NEGR1: variants seen among roughly 807,000 people sequenced by gnomAD.
NEGR1 encodes the protein neuronal growth regulator 1, also known as IgLON family member 4.
A neutral mutation model predicts 40.9 loss-of-function variants in NEGR1; 10 were observed. The ratio of observed to expected loss-of-function variants is 0.24; its 90% CI spans 0.15 to 0.42. NEGR1 has a LOEUF of 0.42. NEGR1 is among the 10% of genes least tolerant of loss of function. The pLI is 1.00. For missense variants in NEGR1, 352 were observed against 438.9 expected (o/e 0.80, Z 1.77); for synonymous variants, 185 against 166.8 (o/e 1.11, Z -0.84).
intron 2 of NEGR1, among the ~76,000 whole-genome samples, chr1:71,894,239 GAAA>G (rs201115661): frequency 1.6e-5 from 2 of 128,158 alleles, no homozygotes; most frequent in Non-Finnish European, 3.4e-5. Context: ...AATAAAAAAA[GAAA>G]AAAAAAAAAA....
chr1:72,158,226 T>C (rs1169770440), intron 1 of NEGR1, among the ~76,000 whole-genome samples: 1 of 152,170 alleles, frequency 6.6e-6, no homozygotes, highest in Non-Finnish European at 1.5e-5. Context: ...AATGTAGGCT[T>C]TGGGTCAAAA....
intron 4 of NEGR1, among the ~76,000 whole-genome samples, chr1:71,672,455 G>C (rs937204822): frequency 6.6e-6 from 1 of 152,056 alleles, no homozygotes; most frequent in Non-Finnish European, 1.5e-5. Context: ...AGTCAATCTT[G>C]TTCACCATTG....
intron 2 of NEGR1, among the ~76,000 whole-genome samples, chr1:71,836,536 T>TG (rs1659039010): frequency 1.3e-5 from 2 of 151,248 alleles, no homozygotes; most frequent in Non-Finnish European, 2.9e-5. Flanking sequence ...AGGTACAGCT[T>TG]GGGGAAACAA....
chr1:72,196,481 A>C (rs1487503940), intron 1 of NEGR1, among the ~76,000 whole-genome samples: 2 of 152,110 alleles, frequency 1.3e-5, no homozygotes, highest in East Asian at 1.9e-4. Flanking sequence ...TTAGAAAAAT[A>C]ATCGCTGGCT....
chr1:72,156,238 G>A (rs1013801296), intron 1 of NEGR1, among the ~76,000 whole-genome samples: 1 of 152,048 alleles, frequency 6.6e-6, no homozygotes, highest in Middle Eastern at 3.2e-3. Flanking sequence ...GTACTATTAT[G>A]AATAATCCTT....
At chr1:71,816,821 A>G (rs1455295554) in intron 2 of NEGR1, among the ~76,000 whole-genome samples, 2 of 151,960 alleles carry the variant, frequency 1.3e-5, no homozygotes, top group African/African-American at 4.8e-5. Flanking sequence ...TCCTGGTTCT[A>G]TCAAAGGGCA....
At chr1:71,644,809 CTTGTG>C (rs758391894) in intron 4 of NEGR1, among the ~76,000 whole-genome samples, 3 of 152,020 alleles carry the variant, frequency 2.0e-5, no homozygotes, top group Non-Finnish European at 2.9e-5. Context: ...CCAGAAGCCT[CTTGTG>C]TTATTTCCAG....
chr1:71,718,478 CT>C (rs1392968686), intron 3 of NEGR1, among the ~76,000 whole-genome samples: 1 of 152,118 alleles, frequency 6.6e-6, no homozygotes, highest in Non-Finnish European at 1.5e-5. Flanking sequence ...AATTAAACCT[CT>C]TTTCTTTATA....
At chr1:71,714,385 C>G (rs1474735362) in intron 3 of NEGR1, among the ~76,000 whole-genome samples, 3 of 152,138 alleles carry the variant, frequency 2.0e-5, no homozygotes, top group Admixed American at 6.5e-5. Flanking sequence ...AATCTCATGT[C>G]CTCACATTTC....
At chr1:71,715,682 C>T (rs1654249014) in intron 3 of NEGR1, among the ~76,000 whole-genome samples, 2 of 152,166 alleles carry the variant, frequency 1.3e-5, no homozygotes, top group South Asian at 2.1e-4. Context: ...TCACCAGTCT[C>T]TCAGCTAAAG....
chr1:72,149,138 T>C (rs948152449), intron 1 of NEGR1, among the ~76,000 whole-genome samples: 1 of 152,134 alleles, frequency 6.6e-6, no homozygotes, highest in Non-Finnish European at 1.5e-5. Context: ...CTCAGAATCA[T>C]GGCAGGATGC....
At chr1:71,798,607 G>C (rs569727666) in intron 2 of NEGR1, among the ~76,000 whole-genome samples, 3 of 152,124 alleles carry the variant, frequency 2.0e-5, no homozygotes, top group Non-Finnish European at 4.4e-5. Flanking sequence ...GGCGACTAAG[G>C]CTAATTCATT....
At chr1:71,995,540 G>T (rs1246553651) in intron 1 of NEGR1, among the ~76,000 whole-genome samples, 2 of 152,190 alleles carry the variant, frequency 1.3e-5, no homozygotes, top group Non-Finnish European at 2.9e-5. Flanking sequence ...TTCAATGTTT[G>T]TCCATATTCA....
chr1:72,016,513 A>G (rs544130580), intron 1 of NEGR1, among the ~76,000 whole-genome samples: 1 of 152,314 alleles, frequency 6.6e-6, no homozygotes, highest in African/African-American at 2.4e-5. Context: ...TAAAGATGGG[A>G]AATAGACTGG....
chr1:72,088,308 T>C (rs12091740), intron 1 of NEGR1, among the ~76,000 whole-genome samples: 62,438 of 151,814 alleles, frequency 0.41, 13,579 homozygotes, highest in Non-Finnish European at 0.49. Context: ...ATCAGAAACT[T>C]TGGGGGAGTG....
intron 6 of NEGR1, among the ~76,000 whole-genome samples, chr1:71,501,481 A>T (rs1262597093): frequency 6.6e-6 from 1 of 152,182 alleles, no homozygotes; most frequent in African/African-American, 2.4e-5. Flanking sequence ...GAATTGGGAA[A>T]TGTTAAATCT....
At chr1:71,553,740 G>C (rs1375721341) in intron 6 of NEGR1, among the ~76,000 whole-genome samples, 2 of 150,138 alleles carry the variant, frequency 1.3e-5, no homozygotes, top group African/African-American at 5.0e-5. Context: ...GTTCACATGA[G>C]CCAACCTGGA....
At chr1:71,777,344 C>T (rs555173271) in intron 2 of NEGR1, among the ~76,000 whole-genome samples, 72 of 152,152 alleles carry the variant, frequency 4.7e-4, no homozygotes, top group Middle Eastern at 6.8e-3. Context: ...TAGAAAAGTG[C>T]CTGACATTAG....
At chr1:71,739,767 T>C (rs993954404) in intron 3 of NEGR1, among the ~76,000 whole-genome samples, 6 of 152,314 alleles carry the variant, frequency 3.9e-5, no homozygotes, top group Admixed American at 3.9e-4. Flanking sequence ...ATGAAGTCTG[T>C]AGAATTTTTT....
Sources: gnomAD v4.1 joint callset for allele counts (sites outside exome capture counted in the v4.1 genomes callset) on GRCh38, gnomAD v4.1.1 for gene constraint, MANE v1.5 for transcripts, NCBI Gene and HGNC (gene_info 2026-07-23, HGNC 2026-07-21) for gene names.